The following DOCK3 variants were observed in gnomAD, a reference collection of about 807,000 sequenced individuals.
DOCK3 encodes dedicator of cytokinesis 3.
Under a neutral mutation model 265.6 loss-of-function variants are expected in DOCK3, and 60 were observed. That is an observed-to-expected ratio of 0.23 (90% confidence interval 0.18 to 0.28). The LOEUF (loss-of-function observed/expected upper bound fraction) is 0.28. DOCK3 is among the 10% of genes least tolerant of loss of function. The pLI, the probability that DOCK3 is intolerant of heterozygous loss-of-function variation, is 1.00. For missense variants in DOCK3, 1,981 were observed against 2,594.3 expected (o/e 0.76, Z 5.14); for synonymous variants, 881 against 938.0 (o/e 0.94, Z 1.11).
chr3:51,132,288 G>A (rs1477125860), intron 9 of DOCK3, among the ~76,000 whole-genome samples: 1 of 152,004 alleles, frequency 6.6e-6, no homozygotes, highest in Non-Finnish European at 1.5e-5. Flanking sequence ...TTCCCATCCT[G>A]TTCTCCAGAT....
chr3:51,225,578 C>T, intron 14 of DOCK3, 71 bp from the exon 15 acceptor site: 1 of 1,551,026 alleles, frequency 6.4e-7, no homozygotes, highest in Non-Finnish European at 8.7e-7. Flanking sequence ...CAAATGCTAG[C>T]CTAGTTCTCT....
intron 9 of DOCK3, among the ~76,000 whole-genome samples, chr3:51,133,567 T>TG (rs1203156713): frequency 1.3e-5 from 2 of 152,134 alleles, no homozygotes; most frequent in Non-Finnish European, 2.9e-5. Flanking sequence ...CTATCATTGA[T>TG]GGACATTTGG....
chr3:51,104,259 A>T (rs763158665), intron 9 of DOCK3, among the ~76,000 whole-genome samples: 1 of 152,212 alleles, frequency 6.6e-6, no homozygotes, highest in South Asian at 2.1e-4. Context: ...ACGAACAAGG[A>T]CATAGGACAA....
At chr3:51,123,699 A>C (rs920277247) in intron 9 of DOCK3, among the ~76,000 whole-genome samples, 1 of 152,152 alleles carries the variant, frequency 6.6e-6, no homozygotes, top group African/African-American at 2.4e-5. Flanking sequence ...TCAGCACCCA[A>C]GGTTTATTGG....
chr3:51,312,993 T>TTAAC, intron 31 of DOCK3, 91 bp downstream of exon 31: 1 of 1,240,470 alleles, frequency 8.1e-7, no homozygotes, highest in Non-Finnish European at 1.2e-6. Context: ...GCTTTATGAA[T>TTAAC]GTTAATTCAG....
At chr3:50,830,522 G>T (rs919335663) in intron 2 of DOCK3, among the ~76,000 whole-genome samples, 3 of 152,144 alleles carry the variant, frequency 2.0e-5, no homozygotes, top group African/African-American at 4.8e-5. Flanking sequence ...CTTATCAAAG[G>T]GGTATTTTTT....
intron 4 of DOCK3, among the ~76,000 whole-genome samples, chr3:50,927,497 A>G (rs2050821270): frequency 6.6e-6 from 1 of 152,228 alleles, no homozygotes; most frequent in Non-Finnish European, 1.5e-5. Flanking sequence ...TTCTCATTAC[A>G]CATTGTGTGC....
In DOCK3 at chr3:50,948,499, A is replaced by G. The variant is rs1575594620; in HGVS notation, c.315+14422A>G. ...GCTCACTGTAAGCTCCAACTCCTGG[A>G]CTCAAGAGATCCTCCCATTTCAGCC... is the stretch of plus-strand genomic sequence containing the variant. On this transcript the variant is annotated intron_variant, in intron 5 of 52. Transcript: ENST00000266037. Among the ~76,000 whole-genome samples, 5 of 144,706 alleles carry G rather than the reference A, an allele frequency of 3.5e-5. 1 individual carries two copies. The South Asian group carries it at 1.1e-3, about 32-fold the overall frequency. The allele number at this position is 144,706 out of a possible 152,430, so 94.9% of individuals were successfully genotyped here. A position where few individuals can be genotyped will look rare whatever the true frequency, so the allele number is the denominator to read the frequency against.
At chr3:50,798,057 G>A (rs1038098186) in intron 2 of DOCK3, among the ~76,000 whole-genome samples, 4 of 152,148 alleles carry the variant, frequency 2.6e-5, no homozygotes, top group African/African-American at 7.2e-5. Flanking sequence ...TCTGACCACA[G>A]TATAAATAAA....
rs555424420 is a variant in DOCK3, at chr3:51,334,772, G to A, written c.3611+1519G>A. Among the ~76,000 whole-genome samples the A allele has an allele frequency of 7.9e-5, 12 of 152,214 alleles. No homozygotes were observed. In the South Asian group the frequency reaches 1.9e-3, roughly 24 times the overall value. On this transcript the variant is annotated intron_variant, in intron 35 of 52. Transcript: ENST00000266037. Reference sequence around the variant, plus strand: ...TTTCTAAAGTTTGGCTTTATTCACCGTGGCCTAACAAAGGAGCAGAAAATA... The same window carrying A: ...TTTCTAAAGTTTGGCTTTATTCACCATGGCCTAACAAAGGAGCAGAAAATA...
intron 5 of DOCK3, among the ~76,000 whole-genome samples, chr3:50,993,872 T>G (rs1473290209): frequency 6.6e-6 from 1 of 152,214 alleles, no homozygotes; most frequent in African/African-American, 2.4e-5. Context: ...CCCAAATTAC[T>G]ACTATTGTTG....
At chr3:50,751,043 A>G (rs573656013) in intron 1 of DOCK3, among the ~76,000 whole-genome samples, 2 of 152,346 alleles carry the variant, frequency 1.3e-5, no homozygotes, top group East Asian at 3.9e-4. Flanking sequence ...CAATGCAATA[A>G]TGCTTCAAAT....
At chr3:51,021,197 C>A (rs896943923) in intron 5 of DOCK3, among the ~76,000 whole-genome samples, 1 of 151,770 alleles carries the variant, frequency 6.6e-6, no homozygotes, top group Non-Finnish European at 1.5e-5. Context: ...TCCAACCTAG[C>A]AAAACAGGCC....
chr3:50,880,104 C>A (rs2047943452), intron 3 of DOCK3, among the ~76,000 whole-genome samples: 1 of 152,120 alleles, frequency 6.6e-6, no homozygotes. Flanking sequence ...ACACAACATA[C>A]CAGAATCTCT....
Position 50,885,306 on chromosome 3 carries a change from G to A in DOCK3, c.163-4720G>A, listed in dbSNP as rs191534454. ...ATCCATTCACCTGTTGAAGGACATC[G>A]TAGTTTCTTCCAAGTCTTGGCATTT... On this transcript the variant is annotated intron_variant, in intron 3 of 52. Transcript: ENST00000266037. 6.7e-5 allele frequency among the ~76,000 whole-genome samples: 10 copies of A among 149,772 alleles called. 1 individual carries two copies. The South Asian group carries it at 1.9e-3, about 28-fold the overall frequency.
At position 51,312,044 on chromosome 3, in the gene DOCK3, C is replaced by A; in HGVS notation, c.3058C>A (p.His1020Asn). 1.2e-6 allele frequency: 2 copies of A among 1,606,958 alleles called. No individual in the cohort carries two copies. Among genetic ancestry groups the A allele is most frequent in the Non-Finnish European group, 1.7e-6 (2 of 1,176,422 alleles). Residue 1020 changes from histidine (H) to asparagine (N), a missense_variant, in exon 29 of 53, where the codon CAC (histidine) becomes AAC (asparagine). By Grantham distance (68) the His-to-Asn change is moderately conservative. Around this residue, in one of 4 missense-constraint regions of DOCK3, gnomAD observed 1,357 missense variants for 1,866.8 expected, o/e 0.73. Coordinates refer to ENST00000266037, the MANE Select transcript of DOCK3 (RefSeq NM_004947.5). The stretch of plus-strand genomic sequence containing the variant: ...TGTCCAGTACCTGTCCTCTGCACTG[C>A]ACAAGAATTTCACAGAGACTGACTT... ...TTVQYLSSAL[H>N]KNFTETDFDF...
At chr3:51,261,227 A>T (rs996284044) in intron 23 of DOCK3, among the ~76,000 whole-genome samples, 4 of 151,616 alleles carry the variant, frequency 2.6e-5, no homozygotes, top group African/African-American at 4.8e-5. Context: ...GGCTCATCTC[A>T]TTGGGACTGG....
intron 1 of DOCK3, among the ~76,000 whole-genome samples, chr3:50,716,593 T>G (rs2037130784): frequency 6.6e-6 from 1 of 151,216 alleles, no homozygotes; most frequent in African/African-American, 2.4e-5. Context: ...ATTTATTTTT[T>G]TTTTGGTGTA....
intron 32 of DOCK3, among the ~76,000 whole-genome samples, chr3:51,326,480 G>T (rs1197023527): frequency 6.6e-6 from 1 of 151,860 alleles, no homozygotes; most frequent in East Asian, 1.9e-4. Context: ...AAAACTATCA[G>T]CCTGTTGGTC....
Sources: gnomAD v4.1 joint callset for allele counts (sites outside exome capture counted in the v4.1 genomes callset) on GRCh38, gnomAD v4.1.1 for gene constraint, gnomAD v4.1.1 regional missense constraint, MANE v1.5 for transcripts, NCBI Gene and HGNC (gene_info 2026-07-23, HGNC 2026-07-21) for gene names.